RAD17: variants seen among roughly 807,000 people sequenced by gnomAD.
The protein encoded by RAD17 is RAD17 checkpoint clamp loader component.
RAD17 carries 31 observed loss-of-function variants against 81.5 expected under a neutral mutation model. The ratio of observed to expected loss-of-function variants is 0.38; its 90% CI spans 0.29 to 0.51. The LOEUF is 0.51. RAD17 is among the 20% of genes least tolerant of loss of function. The pLI is 0.88. For synonymous variants in RAD17, 261 were observed against 266.2 expected (o/e 0.98, Z 0.19); for missense variants, 681 against 781.2 (o/e 0.87, Z 1.53).
chr5:69,413,697 G>A (rs1201168048), intron 18 of RAD17, among the ~76,000 whole-genome samples: 1 of 152,110 alleles, frequency 6.6e-6, no homozygotes, highest in East Asian at 1.9e-4. Flanking sequence ...ACCACGCCTG[G>A]CTAATTTTTC....
intron 6 of RAD17, among the ~76,000 whole-genome samples, chr5:69,377,600 T>TATATATGTATACATATATATATGC (rs1554038760): frequency 0.14 from 1,018 of 7,030 alleles, 415 homozygotes; most frequent in Non-Finnish European, 0.6. Flanking sequence ...TATATATGCA[T>TATATATGTATACATATATATATGC]ATATATATGT....
chr5:69,379,000 G>T (rs1199517603), intron 6 of RAD17, among the ~76,000 whole-genome samples: 1 of 152,182 alleles, frequency 6.6e-6, no homozygotes, highest in Non-Finnish European at 1.5e-5. Context: ...CCAGCACTTT[G>T]GGAGGTCGAG....
chr5:69,375,142 GA>G (rs1763256880), intron 6 of RAD17, among the ~76,000 whole-genome samples: 2 of 152,098 alleles, frequency 1.3e-5, no homozygotes, highest in African/African-American at 4.8e-5. Context: ...AACAAAAAGC[GA>G]AAAAGAAAGC....
At chr5:69,413,921 C>T in intron 18 of RAD17, 110 bp from the exon 19 acceptor site, 1 of 1,332,140 alleles carries the variant, frequency 7.5e-7, no homozygotes, top group East Asian at 2.3e-5. Flanking sequence ...ACTAGCTAAA[C>T]AGCACAATGT....
intron 17 of RAD17, among the ~76,000 whole-genome samples, chr5:69,405,217 A>T (rs556704640): frequency 6.6e-6 from 1 of 152,262 alleles, no homozygotes. Flanking sequence ...AAAAAACTGA[A>T]AATAGGCCGG....
chr5:69,381,024 C>G (rs147231659), intron 6 of RAD17, among the ~76,000 whole-genome samples: 1 of 152,134 alleles, frequency 6.6e-6, no homozygotes, highest in African/African-American at 2.4e-5. Flanking sequence ...CTGCCTCAGC[C>G]TCCCAAAATG....
chr5:69,373,779 A>G, intron 4 of RAD17, 51 bp from the exon 5 acceptor site: 2 of 1,477,520 alleles, frequency 1.4e-6, no homozygotes, highest in Non-Finnish European at 1.9e-6. Context: ...TATTTGGGGG[A>G]ATAGATGGGA....
At chr5:69,377,695 A>ATATATG (rs1763595907) in intron 6 of RAD17, among the ~76,000 whole-genome samples, 3 of 102,200 alleles carry the variant, frequency 2.9e-5, no homozygotes, top group Non-Finnish European at 5.9e-5. Flanking sequence ...ATATATGTAT[A>ATATATG]CATATATATA....
chr5:69,413,267 C>G (rs1766126900), intron 18 of RAD17, among the ~76,000 whole-genome samples: 1 of 151,858 alleles, frequency 6.6e-6, no homozygotes, highest in African/African-American at 2.4e-5. Flanking sequence ...ATGGTGAAAC[C>G]CCATCTCTAC....
intron 1 of RAD17, 134 bp from the exon 2 acceptor site, chr5:69,370,901 A>C (rs1303958714): frequency 8.4e-6 from 2 of 237,778 alleles, no homozygotes. Context: ...AAATCGTTGA[A>C]TTCACTAGTT....
chr5:69,392,456 T>C (rs901519442), intron 13 of RAD17, among the ~76,000 whole-genome samples: 2 of 152,184 alleles, frequency 1.3e-5, no homozygotes, highest in Non-Finnish European at 2.9e-5. Flanking sequence ...TTTATCGCCT[T>C]TTCTGTCTTT....
intron 6 of RAD17, among the ~76,000 whole-genome samples, chr5:69,377,437 G>GTATATATATATATATATATATA (rs1229779615): frequency 2.3e-4 from 6 of 25,768 alleles, no homozygotes; most frequent in Non-Finnish European, 1.6e-4. Flanking sequence ...GTGTGTGTGT[G>GTATATATATATATATATATATA]TGTATATATA....
At chr5:69,373,735 A>G in intron 4 of RAD17, 95 bp from the exon 5 acceptor site, 1 of 873,286 alleles carries the variant, frequency 1.1e-6, no homozygotes, top group Non-Finnish European at 1.7e-6. Context: ...AAGGTTATAA[A>G]TATATGAATA....
At chr5:69,369,412 C>G (rs770350447), upstream of RAD17, 3 of 1,598,604 alleles carry the variant, frequency 1.9e-6, no homozygotes, top group Non-Finnish European at 2.6e-6. Flanking sequence ...CCAGAGCACT[C>G]TGCGCCCCCA....
intron 6 of RAD17, among the ~76,000 whole-genome samples, chr5:69,375,211 C>CT (rs1480302935): frequency 1.3e-5 from 2 of 152,170 alleles, no homozygotes; most frequent in African/African-American, 2.4e-5. Flanking sequence ...GAGTTTTCCC[C>CT]TTTATTTGTA....
rs759400180 is a variant in RAD17, at chr5:69,414,245, A to G, written c.1966A>G (p.Met656Val). The change falls in exon 19 of 19, where the codon ATG becomes GTG. Residue 656 changes from methionine (M) to valine (V), a missense_variant. Coordinates refer to ENST00000354868, the MANE Select transcript of RAD17 (RefSeq NM_133338.3). Reference protein sequence around the residue: ...QPQPFSAQGDMEENIIIEDYE... With the variant: ...QPQPFSAQGDVEENIIIEDYE... ...CCAGCCCTTTTCAGCCCAAGGAGAC[A>G]TGGAAGAAAACATAATAATAGAAGA... 3.7e-6 allele frequency: 6 copies of G among 1,614,184 alleles called. No individual in the cohort carries two copies. Among genetic ancestry groups the G allele is most frequent in the East Asian group, 2.2e-5 (1 of 44,888 alleles).
At chr5:69,384,160 C>T (rs542957000) in intron 7 of RAD17, 4 of 151,968 alleles carry the variant, frequency 2.6e-5, no homozygotes, top group South Asian at 2.1e-4. Context: ...AGCAAGATTC[C>T]GTCTCAAAAC....
At chr5:69,379,863 G>C (rs1411628824) in intron 6 of RAD17, among the ~76,000 whole-genome samples, 1 of 151,834 alleles carries the variant, frequency 6.6e-6, no homozygotes, top group East Asian at 1.9e-4. Context: ...GGACTTGCCT[G>C]AGGCTGTTTT....
chr5:69,393,634 T>A, intron 15 of RAD17, 134 bp downstream of exon 15: 1 of 790,146 alleles, frequency 1.3e-6, no homozygotes, highest in Non-Finnish European at 2.0e-6. Context: ...AAAGTTAATG[T>A]AACCAACTCA....
Sources: gnomAD v4.1 joint callset for allele counts (sites outside exome capture counted in the v4.1 genomes callset) on GRCh38, gnomAD v4.1.1 for gene constraint, MANE v1.5 for transcripts, NCBI Gene and HGNC (gene_info 2026-07-23, HGNC 2026-07-21) for gene names.